Variants in THSD4 observed in about 807,000 individuals in gnomAD.
THSD4 encodes thrombospondin type-1 domain-containing protein 4.
THSD4 carries 69 observed loss-of-function variants against 119.0 expected under a neutral mutation model. That is an observed-to-expected ratio of 0.58 (90% CI 0.48 to 0.71). The LOEUF (loss-of-function observed/expected upper bound fraction) is 0.71, where lower values mean the gene tolerates loss of function less well. THSD4 is among the 30% of genes least tolerant of loss of function. The probability of loss-of-function intolerance (pLI) is 0.00; values close to 1 mark genes in which losing one functional copy is unlikely to be tolerated. For synonymous variants in THSD4, 524 were observed against 540.4 expected (o/e 0.97, Z 0.42); for missense variants, 1,393 against 1,391.1 (o/e 1.00, Z -0.02).
Position 71,655,355 on chromosome 15 carries a change from G to A in THSD4, c.1153-5175G>A, listed in dbSNP as rs575360229. On this transcript the variant is annotated intron_variant, in intron 7 of 17. Coordinates refer to ENST00000261862, the MANE Select transcript of THSD4 (RefSeq NM_024817.3). ...CCGATTTTGTTTTGTTTTGTTTTTT[G>A]CACTTCAAAGTTTTCTGAATTTCAC... Among the ~76,000 whole-genome samples, 9 of 152,074 alleles carry A rather than the reference G, an allele frequency of 5.9e-5. 1 individual carries two copies. The highest frequency in any genetic ancestry group is 2.2e-4 in the African/African-American group (9 of 41,490).
At chr15:71,457,187 G>T (rs772728420) in intron 7 of THSD4, among the ~76,000 whole-genome samples, 20 of 152,026 alleles carry the variant, frequency 1.3e-4, no homozygotes, top group Non-Finnish European at 2.2e-4. Context: ...TTCAAGACCA[G>T]CCTGGGCAAC....
At chr15:71,511,273 G>A (rs879536847) in intron 7 of THSD4, among the ~76,000 whole-genome samples, 6 of 152,166 alleles carry the variant, frequency 3.9e-5, no homozygotes, top group Non-Finnish European at 7.3e-5. Context: ...TTGGACTGAG[G>A]CAGAGTTTGG....
At chr15:71,547,744 T>C (rs999062224) in intron 7 of THSD4, 7 of 359,358 alleles carry the variant, frequency 1.9e-5, no homozygotes, top group Admixed American at 4.8e-5. Flanking sequence ...TGGTGACAGA[T>C]GCCTGTAGCA....
At chr15:71,402,272 C>T (rs1397744027) in intron 6 of THSD4, among the ~76,000 whole-genome samples, 1 of 151,794 alleles carries the variant, frequency 6.6e-6, no homozygotes, top group African/African-American at 2.4e-5. Context: ...TTTCATTATC[C>T]TCTCCCTAGA....
intron 7 of THSD4, among the ~76,000 whole-genome samples, chr15:71,612,334 C>A (rs955472808): frequency 6.6e-6 from 1 of 152,164 alleles, no homozygotes; most frequent in Non-Finnish European, 1.5e-5. Flanking sequence ...GGGATTGAGG[C>A]CAGATTTCTT....
At chr15:71,441,397 ATTTTTT>A (rs1215547880) in intron 7 of THSD4, among the ~76,000 whole-genome samples, 7 of 73,366 alleles carry the variant, frequency 9.5e-5, no homozygotes, top group African/African-American at 3.7e-4. Flanking sequence ...CACCTGTAGA[ATTTTTT>A]TTTTTTTTTT....
intron 7 of THSD4, among the ~76,000 whole-genome samples, chr15:71,447,664 A>G (rs747451869): frequency 6.6e-6 from 1 of 152,258 alleles, no homozygotes; most frequent in Non-Finnish European, 1.5e-5. Context: ...ATATAAAAAT[A>G]AAAGACAAAA....
chr15:71,643,524 A>T (rs1024158642), intron 7 of THSD4, among the ~76,000 whole-genome samples: 1 of 152,084 alleles, frequency 6.6e-6, no homozygotes, highest in Admixed American at 6.6e-5. Flanking sequence ...ATGTGTTCTC[A>T]TCATTTAGTT....
At chr15:71,221,052 G>A (rs911330917) in intron 4 of THSD4, among the ~76,000 whole-genome samples, 1 of 152,156 alleles carries the variant, frequency 6.6e-6, no homozygotes, top group African/African-American at 2.4e-5. Flanking sequence ...TGGCTAAAGG[G>A]GAAGGGGCGA....
chr15:71,499,698 C>A (rs746573537), intron 7 of THSD4, among the ~76,000 whole-genome samples: 2 of 152,124 alleles, frequency 1.3e-5, no homozygotes, highest in Admixed American at 1.3e-4. Flanking sequence ...TTCTACTCTC[C>A]GTTTCTAACA....
intron 8 of THSD4, among the ~76,000 whole-genome samples, chr15:71,725,349 G>C (rs2141121094): frequency 6.6e-6 from 1 of 152,314 alleles, no homozygotes; most frequent in East Asian, 1.9e-4. Flanking sequence ...TCTAAGGCCA[G>C]AGGCAAAGTT....
At chr15:71,442,660 G>GTGTGTGTATGTATGTAAGTATA in intron 7 of THSD4, among the ~76,000 whole-genome samples, 1 of 25,818 alleles carries the variant, frequency 3.9e-5, no homozygotes, top group Non-Finnish European at 9.2e-5. Context: ...GTGTGTGTGT[G>GTGTGTGTATGTATGTAAGTATA]TATATATATA....
rs58309087 is a variant in THSD4 at position 71,682,855 on chromosome 15, A to ACTTTCTTTCTTTCTTT, written c.1357+22161_1357+22176dup. ...CATGGCAATTCTTCCCTCTTTTGCTACTTTCTTTCTTTCTTTCTTTCTTTC... is the reference window on the plus strand; with the variant it reads ...CATGGCAATTCTTCCCTCTTTTGCTACTTTCTTTCTTTCTTTCTTTCTTTCTTTCTTTCTTTCTTTC... On this transcript the variant is annotated intron_variant, in intron 8 of 17. Coordinates refer to ENST00000261862, the MANE Select transcript of THSD4 (RefSeq NM_024817.3). Among the ~76,000 whole-genome samples the ACTTTCTTTCTTTCTTT allele has an allele frequency of 4.5e-4, 49 of 108,926 alleles. 2 individuals carry two copies. The highest frequency in any genetic ancestry group is 1.8e-3 in the African/African-American group (48 of 27,076). 71.5% of individuals were successfully genotyped at this position (108,926 alleles called of 152,430 possible). A position where few individuals can be genotyped will look rare whatever the true frequency, so the allele number is the denominator to read the frequency against.
chr15:71,707,116 G>T (rs1284439534), intron 8 of THSD4, among the ~76,000 whole-genome samples: 1 of 151,986 alleles, frequency 6.6e-6, no homozygotes, highest in Non-Finnish European at 1.5e-5. Context: ...ACAGAGGGGA[G>T]CCTAGAAGTC....
At chr15:71,588,503 A>T (rs1303342633) in intron 7 of THSD4, among the ~76,000 whole-genome samples, 1 of 151,940 alleles carries the variant, frequency 6.6e-6, no homozygotes, top group Admixed American at 6.5e-5. Context: ...TGCTTACCAC[A>T]GCCTCGACCT....
At chr15:71,450,804 G>A (rs983824036) in intron 7 of THSD4, among the ~76,000 whole-genome samples, 11 of 152,138 alleles carry the variant, frequency 7.2e-5, no homozygotes, top group Admixed American at 2.6e-4. Flanking sequence ...AAGTACACAC[G>A]GGAGCCCCAC....
intron 4 of THSD4, among the ~76,000 whole-genome samples, chr15:71,228,491 G>A (rs1482138915): frequency 2.0e-5 from 3 of 152,198 alleles, no homozygotes; most frequent in Non-Finnish European, 4.4e-5. Flanking sequence ...CAAGTTTGTG[G>A]TACCCTGTTA....
chr15:71,764,958 G>A lies in THSD4; in HGVS notation c.2590-62G>A. 5.8e-6 allele frequency: 9 copies of A among 1,554,604 alleles called. No homozygotes were observed. In the South Asian group the frequency reaches 1.1e-4, roughly 19 times the overall value. On this transcript the variant is annotated intron_variant, in intron 15 of 17. Transcript: ENST00000261862. ...TGCCCGTCATAAGCATCCCTTGATG[G>A]ACAGTAGCTGCCACCCCCTTTCCAT... is the stretch of plus-strand genomic sequence containing the variant.
upstream of THSD4, among the ~76,000 whole-genome samples, chr15:71,113,934 T>A (rs530901727): frequency 7.9e-4 from 119 of 150,340 alleles, no homozygotes; most frequent in African/African-American, 2.3e-3. Flanking sequence ...TTTTTTTTTT[T>A]AAATCAGTTC....
Sources: allele counts gnomAD v4.1 joint callset (sites outside exome capture counted in the v4.1 genomes callset), GRCh38; gene constraint gnomAD v4.1.1; transcripts MANE v1.5; gene names NCBI Gene and HGNC (gene_info 2026-07-23, HGNC 2026-07-21).